DACT2: variants seen among roughly 807,000 people sequenced by gnomAD.
DACT2 encodes dishevelled binding antagonist of beta catenin 2, also known as dapper homolog 2.
In DACT2, 20 loss-of-function variants were observed where a neutral mutation model predicts 22.2. The observed-to-expected ratio is 0.90, with a 90% CI of 0.63 to 1.31. The LOEUF is 1.31. DACT2 is among the 50% of genes most tolerant of loss of function. The probability of loss-of-function intolerance (pLI) is 0.00; values close to 1 mark genes in which losing one functional copy is unlikely to be tolerated. For synonymous variants in DACT2, 463 were observed against 479.8 expected, an observed-to-expected ratio of 0.96 and a Z score of 0.46; for missense variants, 1,048 against 1,061.4, an observed-to-expected ratio of 0.99 and a Z score of 0.18.
At chr6:168,305,374 C>T (rs1562493344), downstream of DACT2, among the ~76,000 whole-genome samples, 1 of 152,194 alleles carries the variant, frequency 6.6e-6, no homozygotes, top group Non-Finnish European at 1.5e-5. Flanking sequence ...TGTCAGAAAA[C>T]CCTGAGGAGC....
At chr6:168,312,250 C>T (rs2114915063) in intron 1 of DACT2, among the ~76,000 whole-genome samples, 1 of 152,298 alleles carries the variant, frequency 6.6e-6, no homozygotes. Flanking sequence ...GGCTGGAGTG[C>T]AGTGGTGCGA....
chr6:168,311,386 C>T, intron 1 of DACT2, 102 bp from the exon 2 acceptor site: 2 of 1,365,006 alleles, frequency 1.5e-6, no homozygotes, highest in Non-Finnish European at 1.9e-6. Context: ...ATTTAAACTC[C>T]CAAAGTCCAC....
intron 1 of DACT2, among the ~76,000 whole-genome samples, chr6:168,312,107 C>T (rs1779435790): frequency 6.6e-6 from 1 of 152,204 alleles, no homozygotes; most frequent in African/African-American, 2.4e-5. Context: ...CAGGCTTCGG[C>T]AGAGCTACCA....
At chr6:168,311,036 G>T in intron 2 of DACT2, 116 bp downstream of exon 2, 1 of 1,340,746 alleles carries the variant, frequency 7.5e-7, no homozygotes, top group Non-Finnish European at 9.7e-7. Context: ...TCCCTGCACG[G>T]ACACTAGGAT....
At chr6:168,318,293 C>T (rs1025304580) in intron 1 of DACT2, among the ~76,000 whole-genome samples, 3 of 152,246 alleles carry the variant, frequency 2.0e-5, no homozygotes, top group African/African-American at 7.2e-5. Flanking sequence ...AGGTTAATCC[C>T]ACACAGTCTA....
At chr6:168,304,327 C>T (rs1468218220), downstream of DACT2, among the ~76,000 whole-genome samples, 1 of 152,258 alleles carries the variant, frequency 6.6e-6, no homozygotes, top group Non-Finnish European at 1.5e-5. Flanking sequence ...CTCCATCCAT[C>T]CTCTTTCTGC....
chr6:168,298,806 G>A (rs1013282499), intron 3 of DACT2: 4 of 152,180 alleles, frequency 2.6e-5, no homozygotes, highest in Admixed American at 6.5e-5. Context: ...ACACCTCCAC[G>A]TGCTGGCTGG....
chr6:168,305,697 C>T, downstream of DACT2, among the ~76,000 whole-genome samples: 1 of 152,160 alleles, frequency 6.6e-6, no homozygotes, highest in East Asian at 1.9e-4. Context: ...GTCACAGCCT[C>T]ACCTGCTAAG....
At chr6:168,300,535 A>G (rs62424989) in intron 3 of DACT2, 4 of 152,160 alleles carry the variant, frequency 2.6e-5, no homozygotes, top group Admixed American at 6.5e-5. Flanking sequence ...TTTAGCGACT[A>G]AAGTCATCGA....
chr6:168,294,561 A>ACGTG (rs1308949054), intron 4 of DACT2: 1 of 418,558 alleles, frequency 2.4e-6, no homozygotes, highest in Non-Finnish European at 3.5e-6. Context: ...GTGTGTGTGT[A>ACGTG]TGTGTGTGTG....
rs541416019 is a variant in DACT2, at chr6:168,308,756, A to G, written c.1001T>C (p.Ile334Thr). The change falls in exon 4 of 4, where the codon ATC becomes ACC. Residue 334 changes from isoleucine (I) to threonine (T), a missense_variant. Transcript: ENST00000366795. ...GCCCCACAGATGCAGCAACCTGTCG[A>G]TATAAGCTCTGGCCCTGGCCGGGCC... is the stretch of plus-strand genomic sequence containing the variant. ...EAGPARARAY[I>T]DRLLHLWGRE... 10 of 1,551,300 alleles carry G rather than the reference A, an allele frequency of 6.4e-6. No individual in the cohort carries two copies. The South Asian group carries it at 8.3e-5, about 13-fold the overall frequency.
At chr6:168,309,126 G>A (rs144523119) in intron 3 of DACT2, 28 bp from the exon 4 acceptor site, 34 of 1,487,802 alleles carry the variant, frequency 2.3e-5, no homozygotes, top group African/African-American at 2.8e-5. Context: ...GAACAAACAC[G>A]TAACTACGGA....
intron 3 of DACT2, among the ~76,000 whole-genome samples, chr6:168,295,221 C>T (rs1778988163): frequency 6.6e-6 from 1 of 152,190 alleles, no homozygotes; most frequent in African/African-American, 2.4e-5. Context: ...TTGGGTAGCC[C>T]ACTTTTCCGC....
chr6:168,295,561 G>A (rs1778994022), intron 3 of DACT2, among the ~76,000 whole-genome samples: 1 of 152,014 alleles, frequency 6.6e-6, no homozygotes, highest in African/African-American at 2.4e-5. Context: ...AGAAAATATG[G>A]GCATAATTTT....
chr6:168,294,327 C>T, intron 4 of DACT2: 1 of 680,232 alleles, frequency 1.5e-6, no homozygotes, highest in South Asian at 1.6e-5. Context: ...AAGAGGACGG[C>T]CACGCTTCTC....
intron 3 of DACT2, among the ~76,000 whole-genome samples, chr6:168,309,437 G>T (rs1779336911): frequency 6.6e-6 from 1 of 152,002 alleles, no homozygotes; most frequent in South Asian, 2.1e-4. Flanking sequence ...ACAGGGTGCG[G>T]GGCCGTTTGC....
rs1278991442 is a variant in DACT2, at chr6:168,313,129, C to G, written c.247-1845G>C. Among the ~76,000 whole-genome samples the G allele has an allele frequency of 8.5e-5, 13 of 152,232 alleles. 1 individual carries two copies. Among genetic ancestry groups the G allele is most frequent in the Admixed American group, 8.5e-4 (13 of 15,290 alleles). ...TGGCGCGAGTTCAGCTCACTGCAAG[C>G]TCCACCTCCCGGGTTCAAGCCATTC... On this transcript the variant is annotated intron_variant, in intron 1 of 3. Transcript: ENST00000366795.
At chr6:168,294,575 GTGTATATATA>G (rs1342557511) in intron 4 of DACT2, 1,883 of 340,124 alleles carry the variant, frequency 5.5e-3, no homozygotes, top group Non-Finnish European at 5.9e-3. Flanking sequence ...GTGTGTGTGT[GTGTATATATA>G]TATATATATA....
At chr6:168,306,012 G>A (rs533858710), downstream of DACT2, among the ~76,000 whole-genome samples, 1 of 152,198 alleles carries the variant, frequency 6.6e-6, no homozygotes, top group African/African-American at 2.4e-5. Flanking sequence ...TGCCTCCACT[G>A]TCTTCACTGT....
Sources: gnomAD v4.1 joint callset for allele counts (sites outside exome capture counted in the v4.1 genomes callset) on GRCh38, gnomAD v4.1.1 for gene constraint, MANE v1.5 for transcripts, NCBI Gene and HGNC (gene_info 2026-07-23, HGNC 2026-07-21) for gene names.